The following DHX15 variants were observed in gnomAD, a reference collection of about 807,000 sequenced individuals.
DHX15 encodes the protein DEAH-box helicase 15.
Under a neutral mutation model 94.4 loss-of-function variants are expected in DHX15, and 11 were observed. That is an observed-to-expected ratio of 0.12 (90% confidence interval 0.07 to 0.19). The LOEUF is 0.19. Ranked by LOEUF, DHX15 falls within the 10% of genes least tolerant of loss-of-function variation. The pLI is 1.00. For missense variants in DHX15, 304 were observed against 988.5 expected (o/e 0.31, Z 9.29); for synonymous variants, 338 against 329.9 (o/e 1.02, Z -0.27).
intron 5 of DHX15, among the ~76,000 whole-genome samples, chr4:24,551,410 A>G (rs921690201): frequency 1.3e-5 from 2 of 152,186 alleles, no homozygotes; most frequent in Admixed American, 6.5e-5. Context: ...ATCAAAAAAC[A>G]CAACGTTCTT....
intron 2 of DHX15, among the ~76,000 whole-genome samples, chr4:24,575,879 T>C (rs1352304801): frequency 6.6e-6 from 1 of 152,224 alleles, no homozygotes; most frequent in Non-Finnish European, 1.5e-5. Context: ...ATTTTTTGCA[T>C]GGTTCAAAAT....
At chr4:24,547,361 C>G (rs1043229044) in intron 6 of DHX15, among the ~76,000 whole-genome samples, 12 of 152,198 alleles carry the variant, frequency 7.9e-5, no homozygotes, top group Admixed American at 3.3e-4. Context: ...TCACTCTTTT[C>G]AGTAAGACAA....
At chr4:24,546,336 GATCAACTATAGA>G (rs1446524631) in intron 6 of DHX15, among the ~76,000 whole-genome samples, 2 of 152,068 alleles carry the variant, frequency 1.3e-5, no homozygotes, top group Non-Finnish European at 2.9e-5. Flanking sequence ...CGAAATGTAG[GATCAACTATAGA>G]AAAGTCAGCT....
intron 1 of DHX15, among the ~76,000 whole-genome samples, chr4:24,580,146 G>T (rs1464881409): frequency 3.3e-5 from 5 of 152,166 alleles, no homozygotes; most frequent in African/African-American, 1.2e-4. Context: ...AGTGACTCAC[G>T]CATGTAATCC....
At chr4:24,568,835 T>A (rs1722053897) in intron 3 of DHX15, among the ~76,000 whole-genome samples, 1 of 152,342 alleles carries the variant, frequency 6.6e-6, no homozygotes, top group Admixed American at 6.5e-5. Flanking sequence ...ATTTTGCTTA[T>A]GCAATTATTG....
At chr4:24,559,034 T>C (rs892323363) in intron 3 of DHX15, among the ~76,000 whole-genome samples, 1 of 152,118 alleles carries the variant, frequency 6.6e-6, no homozygotes, top group Non-Finnish European at 1.5e-5. Flanking sequence ...TACTCAGAAA[T>C]AGGGTCTTTG....
chr4:24,547,897 G>C (rs367750744), intron 6 of DHX15, among the ~76,000 whole-genome samples: 2 of 55,770 alleles, frequency 3.6e-5, no homozygotes, highest in Non-Finnish European at 6.9e-5. Context: ...CTCTATGTAT[G>C]TATGTGTATA....
In DHX15 at chr4:24,576,513, A is replaced by G; in HGVS notation, c.237T>C (p.Ala79=). ...LISAGLPPLK[A]SHSAHSTHSA... is the part of the protein sequence containing the mutation. ...AGTGGGTTGAGTGAGCTGAATGGGAAGCTTTCAAAGGTGGTAATCCAGCAC... is the reference window on the plus strand; with the variant it reads ...AGTGGGTTGAGTGAGCTGAATGGGAGGCTTTCAAAGGTGGTAATCCAGCAC... Residue 79 remains alanine (A), a synonymous_variant, in exon 2 of 14, where the codon GCT becomes GCC. Transcript: ENST00000336812. 1.9e-6 allele frequency: 3 copies of G among 1,614,172 alleles called. No homozygotes were observed. The highest frequency in any genetic ancestry group is 2.5e-6 in the Non-Finnish European group (3 of 1,180,024).
chr4:24,568,448 A>AC (rs1722044577), intron 3 of DHX15, among the ~76,000 whole-genome samples: 1 of 152,240 alleles, frequency 6.6e-6, no homozygotes, highest in African/African-American at 2.4e-5. Context: ...GTAAGCTTTT[A>AC]CAAGTAGTTA....
At chr4:24,541,524 A>G (rs140651320) in intron 8 of DHX15, among the ~76,000 whole-genome samples, 6 of 152,234 alleles carry the variant, frequency 3.9e-5, no homozygotes, top group African/African-American at 1.4e-4. Flanking sequence ...AGGAAAGAAA[A>G]AAAGTTGAAA....
intron 4 of DHX15, 86 bp downstream of exon 4, chr4:24,556,165 A>G (rs1289647940): frequency 3.8e-6 from 4 of 1,052,766 alleles, no homozygotes; most frequent in Non-Finnish European, 5.3e-6. Flanking sequence ...GATTTCTTAC[A>G]GTTGGTTATT....
intron 3 of DHX15, among the ~76,000 whole-genome samples, chr4:24,559,429 A>C (rs966120846): frequency 2.7e-4 from 41 of 151,650 alleles, no homozygotes; most frequent in African/African-American, 9.9e-4. Context: ...TATACTGTTA[A>C]ATGTATGAAA....
rs1722101099 is a variant in DHX15 at position 24,570,609 on chromosome 4, T to C, written c.701+45A>G. ...AAGTCTTCTATCTAATAGCAGAAAA[T>C]GGCAAGCAGAGGACTAAAAGCGTCA... On this transcript the variant is annotated intron_variant, in intron 3 of 13. Coordinates refer to ENST00000336812, the MANE Select transcript of DHX15 (RefSeq NM_001358.3). The C allele has an allele frequency of 1.9e-6, 3 of 1,576,322 alleles. No homozygotes were observed. The African/African-American group carries it at 4.0e-5, about 21-fold the overall frequency.
chr4:24,549,069 A>G (rs1024840967), intron 5 of DHX15, 47 bp from the exon 6 acceptor site: 1 of 1,518,284 alleles, frequency 6.6e-7, no homozygotes, highest in Non-Finnish European at 9.0e-7. Context: ...AACATTTTAA[A>G]GTATTTATTA....
Position 24,570,984 on chromosome 4 carries a change from AAACTTGT to A in DHX15, c.508-144_508-138del, listed in dbSNP as rs529370465. On this transcript the variant is annotated intron_variant, in intron 2 of 13. Transcript: ENST00000336812. ...AAATGACTATAAGACTTGTGATTCAAAACTTGTAACAACACAAGCTCTCTAAACCAAG... is the reference window on the plus strand; with the variant it reads ...AAATGACTATAAGACTTGTGATTCAAAACAACACAAGCTCTCTAAACCAAG... 1.1e-4 allele frequency: 100 copies of A among 880,466 alleles called. No homozygotes were observed. In the African/African-American group the frequency reaches 1.4e-3, roughly 12 times the overall value. The allele number at this position is 880,466 out of a possible 1,614,324, so 54.5% of individuals were successfully genotyped here. A position where few individuals can be genotyped will look rare whatever the true frequency, so the allele number is the denominator to read the frequency against.
At chr4:24,553,820 A>G (rs573924059) in intron 5 of DHX15, among the ~76,000 whole-genome samples, 1 of 152,246 alleles carries the variant, frequency 6.6e-6, no homozygotes, top group African/African-American at 2.4e-5. Context: ...CCTTTCGTAA[A>G]AGGCTTTTTA....
chr4:24,529,208 A>G (rs1222292382), intron 13 of DHX15, among the ~76,000 whole-genome samples: 1 of 151,654 alleles, frequency 6.6e-6, no homozygotes, highest in African/African-American at 2.4e-5. Context: ...GTACACACCT[A>G]TATATCTTTT....
chr4:24,541,088 A>C, intron 8 of DHX15, 140 bp from the exon 9 acceptor site: 2 of 516,362 alleles, frequency 3.9e-6, no homozygotes, highest in East Asian at 6.5e-5. Flanking sequence ...AAATACTTGT[A>C]GGCTAGACTA....
rs1577331645 is a variant in DHX15, at chr4:24,532,851, A to G, written c.2100+13T>C. ...TGAATACTTAGTTATTCATTCCCAT[A>G]TTATCTACATACCTGCATAAAATAC... On this transcript the variant is annotated intron_variant, in intron 12 of 13. Coordinates refer to ENST00000336812, the MANE Select transcript of DHX15 (RefSeq NM_001358.3). 6.4e-7 allele frequency: 1 copy of G among 1,557,298 alleles called. No homozygotes were observed. Among genetic ancestry groups the G allele is most frequent in the Non-Finnish European group, 8.7e-7 (1 of 1,144,708 alleles).
Sources: allele counts gnomAD v4.1 joint callset (sites outside exome capture counted in the v4.1 genomes callset), GRCh38; gene constraint gnomAD v4.1.1; transcripts MANE v1.5; gene names NCBI Gene and HGNC (gene_info 2026-07-23, HGNC 2026-07-21).